The following ART3 variants were observed in gnomAD, a reference collection of about 807,000 sequenced individuals.
ART3 encodes the protein ecto-ADP-ribosyltransferase 3.
Under a neutral mutation model 48.5 loss-of-function variants are expected in ART3, and 49 were observed. That is an observed-to-expected ratio of 1.01 (90% CI 0.80 to 1.28). The LOEUF (loss-of-function observed/expected upper bound fraction) is 1.28, where lower values mean the gene tolerates loss of function less well. ART3 is among the 50% of genes most tolerant of loss of function. The pLI is 0.00. For missense variants in ART3, 438 were observed against 454.3 expected, an observed-to-expected ratio of 0.96 and a Z score of 0.33; for synonymous variants, 145 against 157.2, an observed-to-expected ratio of 0.92 and a Z score of 0.58.
chr4:76,073,908 T>G (rs1720591872), upstream of ART3, among the ~76,000 whole-genome samples: 1 of 152,266 alleles, frequency 6.6e-6, no homozygotes, highest in Admixed American at 6.5e-5. Flanking sequence ...ATATAAAATT[T>G]CACTTACAGT....
intron 1 of ART3, among the ~76,000 whole-genome samples, chr4:76,051,884 ATCTC>A (rs67944546): frequency 0.015 from 1,876 of 126,668 alleles, 200 homozygotes; most frequent in East Asian, 0.016. Flanking sequence ...TTTATGTTGT[ATCTC>A]TCTCTCTCTC....
intron 1 of ART3, among the ~76,000 whole-genome samples, chr4:76,041,661 T>C (rs1734986629): frequency 6.6e-6 from 1 of 152,204 alleles, no homozygotes; most frequent in South Asian, 2.1e-4. Flanking sequence ...AAATGTTAAA[T>C]GAAATATTTT....
chr4:76,016,383 G>A (rs1043716812), intron 1 of ART3, among the ~76,000 whole-genome samples: 18 of 152,300 alleles, frequency 1.2e-4, no homozygotes, highest in African/African-American at 4.1e-4. Context: ...TTACCAGGCC[G>A]ACTCTTGTTC....
intron 5 of ART3, among the ~76,000 whole-genome samples, 191 bp from the exon 6 acceptor site, chr4:76,100,100 A>G (rs10015842): frequency 0.15 from 22,642 of 152,228 alleles, 2,148 homozygotes; most frequent in East Asian, 0.36. Flanking sequence ...GGGGCAGAGA[A>G]TGTTCCAGCT....
intron 1 of ART3, among the ~76,000 whole-genome samples, chr4:76,052,408 G>A (rs943396549): frequency 2.6e-5 from 4 of 152,026 alleles, no homozygotes; most frequent in Admixed American, 6.6e-5. Context: ...ATCACCATAC[G>A]GAACTTCTCA....
intron 1 of ART3, among the ~76,000 whole-genome samples, chr4:76,027,022 C>T (rs1372141290): frequency 6.6e-6 from 1 of 152,172 alleles, no homozygotes; most frequent in Non-Finnish European, 1.5e-5. Flanking sequence ...GAGGCCCAGG[C>T]GGGTGGATCA....
chr4:76,050,217 C>T (rs567967432), intron 1 of ART3, among the ~76,000 whole-genome samples: 238 of 152,194 alleles, frequency 1.6e-3, no homozygotes, highest in Non-Finnish European at 2.5e-3. Flanking sequence ...ACTGCTGGCT[C>T]GGGCAGCCTG....
intron 1 of ART3, among the ~76,000 whole-genome samples, chr4:76,067,453 A>G (rs1160223339): frequency 2.8e-5 from 4 of 143,270 alleles, no homozygotes; most frequent in East Asian, 4.4e-4. Context: ...TTTAGCAAAC[A>G]TTTTCCCAAA....
At chr4:76,046,767 C>CA (rs1283965485) in intron 1 of ART3, among the ~76,000 whole-genome samples, 4 of 151,822 alleles carry the variant, frequency 2.6e-5, no homozygotes, top group African/African-American at 4.8e-5. Context: ...TCAGGAATAA[C>CA]AAAAAAGGCA....
chr4:76,112,643 A>G lies in ART3; in HGVS notation c.*124A>G, dbSNP rs77866150. On this transcript the variant is annotated 3_prime_UTR_variant, in exon 12 of 12. Coordinates refer to ENST00000355810, the MANE Select transcript of ART3 (RefSeq NM_001130016.3). ...AGTCACTGGATAAAATGAGAATTGT[A>G]TATTTGTTATTCATTTTGCAAATTC... The G allele has an allele frequency of 3.3e-3, 3,833 of 1,157,858 alleles. 85 individuals carry two copies. In the African/African-American group the frequency reaches 0.054, roughly 16 times the overall value. The allele number at this position is 1,157,858 out of a possible 1,614,324, so 71.7% of individuals were successfully genotyped here.
chr4:76,056,091 C>T (rs1718651734), intron 1 of ART3, among the ~76,000 whole-genome samples: 1 of 152,222 alleles, frequency 6.6e-6, no homozygotes, highest in Non-Finnish European at 1.5e-5. Context: ...AACGAAACTA[C>T]TTTAAGACTT....
chr4:76,109,890 C>T (rs1328005793), intron 11 of ART3, among the ~76,000 whole-genome samples: 1 of 152,190 alleles, frequency 6.6e-6, no homozygotes, highest in Non-Finnish European at 1.5e-5. Context: ...AAGGCTTTTA[C>T]AAATCTGACT....
intron 1 of ART3, among the ~76,000 whole-genome samples, chr4:76,032,308 G>A (rs2149398453): frequency 6.6e-6 from 1 of 151,318 alleles, no homozygotes; most frequent in African/African-American, 2.4e-5. Context: ...CCAGACCCAA[G>A]TGATCCATCC....
chr4:76,016,500 C>T (rs951914150), intron 1 of ART3, among the ~76,000 whole-genome samples: 12 of 152,144 alleles, frequency 7.9e-5, no homozygotes, highest in Admixed American at 3.3e-4. Flanking sequence ...CCACCACTGA[C>T]GTTGTGCTGA....
chr4:76,025,041 C>G (rs1733248409), intron 1 of ART3, among the ~76,000 whole-genome samples: 1 of 152,104 alleles, frequency 6.6e-6, no homozygotes, highest in Non-Finnish European at 1.5e-5. Flanking sequence ...TGGAATAGAG[C>G]TAAGCTTTCA....
intron 1 of ART3, among the ~76,000 whole-genome samples, chr4:76,047,298 G>A (rs909677659): frequency 2.6e-5 from 4 of 151,956 alleles, no homozygotes; most frequent in African/African-American, 4.8e-5. Context: ...CTCTGATCTT[G>A]CTTTTCCTTT....
intron 3 of ART3, among the ~76,000 whole-genome samples, chr4:76,089,259 C>T (rs747068575): frequency 1.6e-4 from 24 of 152,062 alleles, no homozygotes; most frequent in Non-Finnish European, 2.6e-4. Context: ...CTAAAAAGAC[C>T]TACCTTGCAA....
chr4:76,082,890 T>A (rs1722777567), intron 3 of ART3, among the ~76,000 whole-genome samples: 2 of 152,000 alleles, frequency 1.3e-5, no homozygotes, highest in Non-Finnish European at 1.5e-5. Flanking sequence ...TGATAGACAA[T>A]GCATAGGACA....
chr4:76,016,378 A>G (rs1732256688), intron 1 of ART3, among the ~76,000 whole-genome samples: 1 of 152,222 alleles, frequency 6.6e-6, no homozygotes, highest in South Asian at 2.1e-4. Context: ...CTGGATTACC[A>G]GGCCGACTCT....
Sources: gnomAD v4.1 joint callset for allele counts (sites outside exome capture counted in the v4.1 genomes callset) on GRCh38, gnomAD v4.1.1 for gene constraint, MANE v1.5 for transcripts, NCBI Gene and HGNC (gene_info 2026-07-23, HGNC 2026-07-21) for gene names.